Variants in ABCD4 observed in about 807,000 individuals in gnomAD.
The protein encoded by ABCD4 is lysosomal cobalamin transporter ABCD4.
A neutral mutation model predicts 86.3 loss-of-function variants in ABCD4; 53 were observed. The ratio of observed to expected loss-of-function variants is 0.61; its 90% CI spans 0.49 to 0.77. The LOEUF is 0.77. Among genes scored for constraint, ABCD4 ranks in the 30% least tolerant of loss-of-function variants. The probability of loss-of-function intolerance (pLI) is 0.00; values close to 1 mark genes in which losing one functional copy is unlikely to be tolerated. For synonymous variants in ABCD4, 328 were observed against 313.6 expected (o/e 1.05, Z -0.49); for missense variants, 757 against 764.5 (o/e 0.99, Z 0.12).
At chr14:74,286,593 G>A (rs760012650) in intron 18 of ABCD4, 64 bp from the exon 19 acceptor site, 25 of 1,612,016 alleles carry the variant, frequency 1.6e-5, no homozygotes, top group Middle Eastern at 1.6e-4. Context: ...GAGGCCACTC[G>A]GTTCTCTCTG....
chr14:74,289,377 G>A, intron 14 of ABCD4, 106 bp downstream of exon 14: 1 of 1,527,460 alleles, frequency 6.5e-7, no homozygotes, highest in Non-Finnish European at 8.8e-7. Context: ...TGAATCAGCG[G>A]CCTGGCTGGA....
intron 11 of ABCD4, 143 bp downstream of exon 11, chr14:74,292,144 T>C (rs2081664563): frequency 2.6e-6 from 2 of 768,400 alleles, no homozygotes; most frequent in Non-Finnish European, 4.4e-6. Context: ...GACTGTGAAC[T>C]TACATGTGCC....
At chr14:74,293,036 C>T (rs570170490) in intron 8 of ABCD4, 118 bp downstream of exon 8, 20 of 1,443,890 alleles carry the variant, frequency 1.4e-5, no homozygotes, top group South Asian at 5.1e-5. Context: ...TCCTCATCCC[C>T]GGTTAATTCC....
chr14:74,287,820 C>T lies in ABCD4; in HGVS notation c.1626G>A (p.Pro542=), dbSNP rs770581296. The change falls in exon 17 of 19, where the codon CCG becomes CCA. Residue 542 remains proline (P), a synonymous_variant. Coordinates refer to ENST00000356924, the MANE Select transcript of ABCD4 (RefSeq NM_005050.4). ...LSFARLFYLQ[P]KYAVLDEATS... ...AAGGCGAGACCTCACCTGCGTACTT[C>T]GGCTGCAGGTAGAAGAGTCGGGCAA... The T allele has an allele frequency of 1.2e-5, 19 of 1,611,772 alleles. No homozygotes were observed. Among genetic ancestry groups the T allele is most frequent in the East Asian group, 8.9e-5 (4 of 44,766 alleles).
rs1335265063 is a variant in ABCD4, at chr14:74,285,401, A to G, written c.*1060T>C. On this transcript the variant is annotated 3_prime_UTR_variant, in exon 19 of 19. Transcript: ENST00000356924. ...AGAGTCTATGCAGGCAACAGCATCT[A>G]GCCGTAAGTTAATAACACCGATGGT... 6.6e-6 allele frequency: 1 copy of G among 152,216 alleles called. No homozygotes were observed. Among genetic ancestry groups the G allele is most frequent in the African/African-American group, 2.4e-5 (1 of 41,462 alleles). 9.4% of individuals were successfully genotyped at this position (152,216 alleles called of 1,614,324 possible).
Sources: gnomAD v4.1 joint callset for allele counts on GRCh38, gnomAD v4.1.1 for gene constraint, MANE v1.5 for transcripts, NCBI Gene and HGNC (gene_info 2026-07-23, HGNC 2026-07-21) for gene names.